The following CYB5A variants were observed in gnomAD, a reference collection of about 807,000 sequenced individuals.
The protein encoded by CYB5A is cytochrome b5 type A, also known as cytochrome b5.
A neutral mutation model predicts 16.2 loss-of-function variants in CYB5A; 10 were observed. The ratio of observed to expected loss-of-function variants is 0.62; its 90% CI spans 0.38 to 1.04. The LOEUF is 1.04. Among genes scored for constraint, CYB5A ranks in the 50% least tolerant of loss-of-function variants. CYB5A has a pLI of 0.01. For missense variants in CYB5A, 161 were observed against 165.9 expected (o/e 0.97, Z 0.16); for synonymous variants, 62 against 57.0 (o/e 1.09, Z -0.40).
chr18:74,267,748 G>A lies in CYB5A; in HGVS notation c.130-4271C>T, dbSNP rs1982499436. The stretch of plus-strand genomic sequence containing the variant: ...TAAGATTAGAGGTAACAAAAGAAGT[G>A]AAATTCTCCCAAAGAGCCTGAGCCA... On this transcript the variant is annotated intron_variant, in intron 1 of 4. Transcript: ENST00000340533. 2.6e-5 allele frequency among the ~76,000 whole-genome samples: 4 copies of A among 152,204 alleles called. No homozygotes were observed. In the South Asian group the frequency reaches 8.3e-4, roughly 31 times the overall value.
Position 74,272,665 on chromosome 18 carries a change from T to C in CYB5A, c.130-9188A>G, listed in dbSNP as rs192512218. Among the ~76,000 whole-genome samples the C allele has an allele frequency of 3.4e-3, 524 of 152,298 alleles. 5 individuals carry two copies. The highest frequency in any genetic ancestry group is 0.032 in the South Asian group (153 of 4,820). On this transcript the variant is annotated intron_variant, in intron 1 of 4. Coordinates refer to ENST00000340533, the MANE Select transcript of CYB5A (RefSeq NM_148923.4). The stretch of plus-strand genomic sequence containing the variant: ...CGGGCACAGTGCCTCACGCCTGTAA[T>C]CCCAGTACTTTGGGAGGCCGAGGTG...
At chr18:74,276,563 C>T (rs1982886718) in intron 1 of CYB5A, among the ~76,000 whole-genome samples, 1 of 149,624 alleles carries the variant, frequency 6.7e-6, no homozygotes, top group African/African-American at 2.5e-5. Context: ...CACACACACA[C>T]CCTTCTGTCA....
chr18:74,272,528 A>G (rs1453937899), intron 1 of CYB5A, among the ~76,000 whole-genome samples: 1 of 152,214 alleles, frequency 6.6e-6, no homozygotes, highest in Non-Finnish European at 1.5e-5. Context: ...ATTTCTAACA[A>G]GAGGTAAAGT....
At chr18:74,274,626 T>C (rs1266304940) in intron 1 of CYB5A, among the ~76,000 whole-genome samples, 5 of 152,182 alleles carry the variant, frequency 3.3e-5, no homozygotes, top group Non-Finnish European at 7.3e-5. Flanking sequence ...TTCATTCCTG[T>C]TGTTTCTAGG....
chr18:74,269,129 A>G (rs947707428), intron 1 of CYB5A, among the ~76,000 whole-genome samples: 1 of 152,164 alleles, frequency 6.6e-6, no homozygotes, highest in Non-Finnish European at 1.5e-5. Context: ...ATACTAAGTG[A>G]CTTTCAGGAA....
intron 1 of CYB5A, among the ~76,000 whole-genome samples, chr18:74,274,863 T>C (rs546001501): frequency 1.3e-5 from 2 of 152,266 alleles, no homozygotes; most frequent in Admixed American, 1.3e-4. Flanking sequence ...AAGTCAAAGG[T>C]TAATAGTCTG....
At chr18:74,257,469 C>T (rs1982031242) in intron 3 of CYB5A, 1 of 153,560 alleles carries the variant, frequency 6.5e-6, no homozygotes, top group Non-Finnish European at 1.4e-5. Context: ...GTGGTCAGTG[C>T]TCTGAGGGCC....
At position 74,291,743 on chromosome 18, in the gene CYB5A, TCA is replaced by T; in HGVS notation, c.129+2_129+3del. 2 of 1,613,802 alleles carry T rather than the reference TCA, an allele frequency of 1.2e-6. No homozygotes were observed. Among genetic ancestry groups the T allele is most frequent in the Non-Finnish European group, 1.7e-6 (2 of 1,179,772 alleles). The stretch of plus-strand genomic sequence containing the variant: ...GCGCCCCAAGCCGCTCATCCCCAAC[TCA>T]CCTCTTCCAGAAATTTGGTCAAATC... On this transcript the variant is annotated splice_donor_variant and splice_donor_region_variant and intron_variant, in intron 1 of 4. Coordinates refer to ENST00000340533, the MANE Select transcript of CYB5A (RefSeq NM_148923.4). LOFTEE classifies it high-confidence loss of function.
intron 1 of CYB5A, among the ~76,000 whole-genome samples, chr18:74,267,193 G>A (rs1165840076): frequency 6.6e-6 from 1 of 151,344 alleles, no homozygotes; most frequent in Non-Finnish European, 1.5e-5. Context: ...GTCTCGCTGT[G>A]TCACCCAGGC....
intron 1 of CYB5A, among the ~76,000 whole-genome samples, chr18:74,283,889 T>G (rs1036225792): frequency 3.9e-5 from 6 of 152,222 alleles, no homozygotes; most frequent in African/African-American, 1.4e-4. Flanking sequence ...CCGTCTTACC[T>G]TTAAAAGGGA....
At chr18:74,276,622 A>C (rs1288827622) in intron 1 of CYB5A, among the ~76,000 whole-genome samples, 3 of 151,964 alleles carry the variant, frequency 2.0e-5, no homozygotes, top group Non-Finnish European at 4.4e-5. Context: ...TCAAAAGCGT[A>C]TGCAAAACGA....
intron 1 of CYB5A, among the ~76,000 whole-genome samples, chr18:74,280,904 C>T (rs1983072997): frequency 2.6e-5 from 4 of 152,176 alleles, no homozygotes; most frequent in Admixed American, 2.6e-4. Context: ...GCAGTGTAAT[C>T]AGCCCTTGAA....
chr18:74,260,686 A>G, intron 3 of CYB5A: 1 of 610,510 alleles, frequency 1.6e-6, no homozygotes, highest in Non-Finnish European at 3.0e-6. Context: ...TGATGAAAAA[A>G]GTAGTTTACT....
At chr18:74,255,449 G>A (rs183648155) in intron 4 of CYB5A, among the ~76,000 whole-genome samples, 3 of 152,310 alleles carry the variant, frequency 2.0e-5, no homozygotes, top group African/African-American at 7.2e-5. Flanking sequence ...AGGTGCTGTG[G>A]GACTGGCCGC....
intron 1 of CYB5A, among the ~76,000 whole-genome samples, chr18:74,290,055 C>T (rs566082100): frequency 6.6e-6 from 1 of 152,184 alleles, no homozygotes; most frequent in Non-Finnish European, 1.5e-5. Flanking sequence ...CTTAAAATTC[C>T]ACATTTAGAG....
At chr18:74,256,054 A>T (rs1981966415) in intron 3 of CYB5A, 1 of 402,626 alleles carries the variant, frequency 2.5e-6, no homozygotes, top group South Asian at 2.8e-5. Context: ...TGCACACGCT[A>T]GGCATCTAAA....
In CYB5A at chr18:74,269,622, C is replaced by T. The variant is rs74577585; in HGVS notation, c.130-6145G>A. Among the ~76,000 whole-genome samples the T allele has an allele frequency of 8.9e-4, 136 of 152,292 alleles. 1 individual carries two copies. Among genetic ancestry groups the T allele is most frequent in the African/African-American group, 3.1e-3 (128 of 41,564 alleles). ...AATACACTCCTTCCAGTCTTTCATT[C>T]ATGGGAAATGCTGCCACCACACACC... On this transcript the variant is annotated intron_variant, in intron 1 of 4. Transcript: ENST00000340533.
intron 1 of CYB5A, among the ~76,000 whole-genome samples, chr18:74,271,431 CT>C (rs1982663908): frequency 6.6e-6 from 1 of 152,148 alleles, no homozygotes; most frequent in African/African-American, 2.4e-5. Flanking sequence ...CCACGGGTAC[CT>C]CTCTGACTCT....
At chr18:74,266,988 A>G (rs78883046) in intron 1 of CYB5A, among the ~76,000 whole-genome samples, 13,054 of 152,266 alleles carry the variant, frequency 0.086, 696 homozygotes, top group South Asian at 0.16. Context: ...AGACAGTAAA[A>G]GATGAGGGTG....
Sources: gnomAD v4.1 joint callset for allele counts (sites outside exome capture counted in the v4.1 genomes callset) on GRCh38, gnomAD v4.1.1 for gene constraint, MANE v1.5 for transcripts, NCBI Gene and HGNC (gene_info 2026-07-23, HGNC 2026-07-21) for gene names.